The following TBCK variants were observed in gnomAD, a reference collection of about 807,000 sequenced individuals.
The protein encoded by TBCK is TBC1 domain containing kinase, also known as TBC domain-containing protein kinase-like protein.
Under a neutral mutation model 113.4 loss-of-function variants are expected in TBCK, and 99 were observed. The ratio of observed to expected loss-of-function variants is 0.87; its 90% CI spans 0.74 to 1.03. The LOEUF (loss-of-function observed/expected upper bound fraction) is 1.03, where lower values mean the gene tolerates loss of function less well. Ranked by LOEUF, TBCK falls within the 50% of genes least tolerant of loss-of-function variation. TBCK has a pLI of 0.00. For missense variants in TBCK, 1,045 were observed against 1,061.3 expected (o/e 0.98, Z 0.21); for synonymous variants, 369 against 370.8 (o/e 1.00, Z 0.05).
rs573556051 is a variant in TBCK, at chr4:106,166,222, A to G, written c.2235+4873T>C. ...AAAATGTAGACATTTCAGATAAAAA[A>G]GAACAAAAATCAAAAATATTTTATG... On this transcript the variant is annotated intron_variant, in intron 23 of 25. Transcript: ENST00000394708. 2.0e-5 allele frequency among the ~76,000 whole-genome samples: 3 copies of G among 151,778 alleles called. No individual in the cohort carries two copies. The South Asian group carries it at 6.2e-4, about 31-fold the overall frequency.
intron 22 of TBCK, 141 bp downstream of exon 22, chr4:106,193,468 G>T: frequency 1.3e-6 from 1 of 793,318 alleles, no homozygotes; most frequent in Admixed American, 3.0e-5. Flanking sequence ...GTATATGAGA[G>T]AAAGAATCCA....
intron 22 of TBCK, among the ~76,000 whole-genome samples, chr4:106,185,852 T>C (rs1474582325): frequency 6.6e-6 from 1 of 152,104 alleles, no homozygotes; most frequent in African/African-American, 2.4e-5. Context: ...TAGAACCCAA[T>C]AGGTATTTTT....
At chr4:106,131,230 G>A (rs559312635) in intron 23 of TBCK, among the ~76,000 whole-genome samples, 5 of 152,284 alleles carry the variant, frequency 3.3e-5, no homozygotes, top group Admixed American at 2.0e-4. Flanking sequence ...CAGGCCTCCC[G>A]AGCCATGTGG....
At chr4:106,262,832 C>T (rs1309454326) in intron 3 of TBCK, among the ~76,000 whole-genome samples, 3 of 151,696 alleles carry the variant, frequency 2.0e-5, no homozygotes, top group South Asian at 2.1e-4. Context: ...AATTTTTTTT[C>T]CAATTTGCAA....
intron 24 of TBCK, among the ~76,000 whole-genome samples, chr4:106,098,320 G>A (rs1741165620): frequency 6.6e-6 from 1 of 151,972 alleles, no homozygotes; most frequent in African/African-American, 2.4e-5. Flanking sequence ...TATAAACTAA[G>A]AGTTTAAAAA....
At chr4:106,059,359 A>G (rs1187784490) in intron 25 of TBCK, among the ~76,000 whole-genome samples, 1 of 151,692 alleles carries the variant, frequency 6.6e-6, no homozygotes, top group Non-Finnish European at 1.5e-5. Flanking sequence ...AAGCAAGTCT[A>G]TTGGTACCAT....
At chr4:106,300,537 T>A (rs1395765570) in intron 2 of TBCK, among the ~76,000 whole-genome samples, 2 of 152,220 alleles carry the variant, frequency 1.3e-5, no homozygotes, top group Admixed American at 1.3e-4. Context: ...CTTTAAAATA[T>A]GATATTTCAA....
At chr4:106,079,590 ATATC>A (rs952431503) in intron 25 of TBCK, among the ~76,000 whole-genome samples, 12 of 152,340 alleles carry the variant, frequency 7.9e-5, no homozygotes, top group Non-Finnish European at 1.6e-4. Context: ...ATCTAGGAAT[ATATC>A]TAACTAAGAA....
chr4:106,100,933 A>G (rs942076564), intron 24 of TBCK, among the ~76,000 whole-genome samples: 1 of 152,098 alleles, frequency 6.6e-6, no homozygotes, highest in Non-Finnish European at 1.5e-5. Flanking sequence ...TTTCTTTGTT[A>G]GGTTACTAAC....
intron 19 of TBCK, among the ~76,000 whole-genome samples, chr4:106,221,231 C>T (rs1220405896): frequency 6.6e-6 from 1 of 152,046 alleles, no homozygotes; most frequent in Non-Finnish European, 1.5e-5. Flanking sequence ...GTGATCTGCC[C>T]GGCTTGGCCT....
chr4:106,099,182 C>A (rs1741267470), intron 24 of TBCK, among the ~76,000 whole-genome samples: 1 of 151,946 alleles, frequency 6.6e-6, no homozygotes, highest in South Asian at 2.1e-4. Context: ...GGTAGTTAAC[C>A]AAGTATGTTC....
At chr4:106,057,315 T>G (rs1381559614) in intron 25 of TBCK, among the ~76,000 whole-genome samples, 2 of 151,780 alleles carry the variant, frequency 1.3e-5, no homozygotes, top group African/African-American at 2.4e-5. Flanking sequence ...GTTTTAAAAT[T>G]TGTTTAATTG....
chr4:106,211,803 A>T (rs1330565952), intron 20 of TBCK, among the ~76,000 whole-genome samples: 1 of 152,084 alleles, frequency 6.6e-6, no homozygotes, highest in African/African-American at 2.4e-5. Context: ...TAGCCTTTCA[A>T]CTTTTCCTAT....
intron 20 of TBCK, among the ~76,000 whole-genome samples, chr4:106,206,113 C>A (rs1293847307): frequency 6.6e-6 from 1 of 152,054 alleles, no homozygotes; most frequent in Non-Finnish European, 1.5e-5. Context: ...TTGAGGTCCT[C>A]AATAATTTTT....
At chr4:106,096,026 G>T (rs1740857796) in intron 24 of TBCK, among the ~76,000 whole-genome samples, 1 of 151,828 alleles carries the variant, frequency 6.6e-6, no homozygotes, top group African/African-American at 2.4e-5. Flanking sequence ...TTTTTTTAAA[G>T]AAAAGGGTAT....
rs1196591095 is a variant in TBCK, at chr4:106,216,341, G to C, written c.1775-3506C>G. 6.6e-5 allele frequency among the ~76,000 whole-genome samples: 10 copies of C among 151,998 alleles called. No individual in the cohort carries two copies. In the East Asian group the frequency reaches 1.9e-3, roughly 30 times the overall value. ...CAAGAGCAAACACATTCAAAAGCTA[G>C]CAGAAGGCAAGAAATAACTAAAATC... is the stretch of plus-strand genomic sequence containing the variant. On this transcript the variant is annotated intron_variant, in intron 19 of 25. Coordinates refer to ENST00000394708, the MANE Select transcript of TBCK (RefSeq NM_001163435.3).
At chr4:106,120,667 C>T (rs1744214602) in intron 23 of TBCK, among the ~76,000 whole-genome samples, 1 of 152,214 alleles carries the variant, frequency 6.6e-6, no homozygotes, top group African/African-American at 2.4e-5. Flanking sequence ...CCCTGACCCC[C>T]GAGCAGCCTA....
In TBCK at chr4:106,046,635, G is replaced by A. The variant is rs1237399036; in HGVS notation, c.2617C>T (p.Leu873=). ...TTTATTTTATTAATGCCACCATCTA[G>A]AATACAGATTCTTGGATATTTCATC... ...VKMKYPRICI[L]DGGINKIKPT... is the part of the protein sequence containing the mutation. The change falls in exon 26 of 26, where the codon CTA becomes TTA. Residue 873 remains leucine, a synonymous_variant. Transcript: ENST00000394708. The A allele has an allele frequency of 1.9e-6, 3 of 1,612,674 alleles. No homozygotes were observed. The South Asian group carries it at 3.3e-5, about 18-fold the overall frequency.
chr4:106,302,228 G>T (rs931117814), intron 2 of TBCK, among the ~76,000 whole-genome samples: 8 of 152,134 alleles, frequency 5.3e-5, no homozygotes, highest in Non-Finnish European at 1.0e-4. Context: ...TACAGGAGTA[G>T]CAGGGCAGGT....
Sources: allele counts gnomAD v4.1 joint callset (sites outside exome capture counted in the v4.1 genomes callset), GRCh38; gene constraint gnomAD v4.1.1; transcripts MANE v1.5; gene names NCBI Gene and HGNC (gene_info 2026-07-23, HGNC 2026-07-21).